The following SLC7A5 variants were observed in gnomAD, a reference collection of about 807,000 sequenced individuals.
SLC7A5 encodes solute carrier family 7 member 5, also known as large neutral amino acids transporter small subunit 1.
In SLC7A5, 23 loss-of-function variants were observed where a neutral mutation model predicts 50.2. The ratio of observed to expected loss-of-function variants is 0.46; its 90% CI spans 0.33 to 0.65. SLC7A5 has a LOEUF of 0.65. SLC7A5 is among the 30% of genes least tolerant of loss of function. The pLI, the probability that SLC7A5 is intolerant of heterozygous loss-of-function variation, is 0.02. For missense variants in SLC7A5, 578 were observed against 684.4 expected (o/e 0.84, Z 1.73); for synonymous variants, 393 against 330.6 (o/e 1.19, Z -2.05).
intron 1 of SLC7A5, among the ~76,000 whole-genome samples, chr16:87,856,190 G>A (rs1020163527): frequency 5.9e-5 from 9 of 152,202 alleles, no homozygotes; most frequent in East Asian, 1.9e-4. Context: ...CCAGGCCCCC[G>A]AGGACTGCCT....
chr16:87,855,692 G>A (rs1225606847), intron 1 of SLC7A5, among the ~76,000 whole-genome samples: 1 of 152,098 alleles, frequency 6.6e-6, no homozygotes, highest in East Asian at 1.9e-4. Flanking sequence ...ACAAGCAAAG[G>A]GATGATCCCC....
rs900816021 is a variant in SLC7A5 at position 87,853,736 on chromosome 16, G to C, written c.539-1887C>G. Among the ~76,000 whole-genome samples the C allele has an allele frequency of 2.6e-5, 4 of 152,170 alleles. No homozygotes were observed. Among genetic ancestry groups the C allele is most frequent in the African/African-American group, 9.6e-5 (4 of 41,458 alleles). The stretch of plus-strand genomic sequence containing the variant: ...GAGCTTTCTGGATTCGCAAGAGGCC[G>C]GCTGATTGCATCACTCGCTCATTCA... On this transcript the variant is annotated intron_variant, in intron 1 of 9. Transcript: ENST00000261622. The surrounding 1 kb of genome is among the most constrained non-coding windows in gnomAD (Gnocchi z 4.4).
chr16:87,867,653 A>G (rs1475057406), intron 1 of SLC7A5, among the ~76,000 whole-genome samples: 1 of 152,060 alleles, frequency 6.6e-6, no homozygotes, highest in Non-Finnish European at 1.5e-5. Flanking sequence ...CAAGACCCCA[A>G]CTATAAATTA....
rs1208647153 is a variant in SLC7A5 at position 87,840,422 on chromosome 16, C to T, written c.815+7G>A. 6.2e-7 allele frequency: 1 copy of T among 1,609,232 alleles called. No individual in the cohort carries two copies. The highest frequency in any genetic ancestry group is 1.7e-5 in the Admixed American group (1 of 60,026). On this transcript the variant is annotated splice_region_variant and intron_variant, in intron 4 of 9. Coordinates refer to ENST00000261622, the MANE Select transcript of SLC7A5 (RefSeq NM_003486.7). ...AAAAAGACGGCTCCATCCATTCTTG[C>T]ACGTACCTGTAGGGGTTGATCATTT...
At chr16:87,857,723 T>C (rs1417378655) in intron 1 of SLC7A5, among the ~76,000 whole-genome samples, 2 of 152,258 alleles carry the variant, frequency 1.3e-5, no homozygotes, top group Non-Finnish European at 2.9e-5. Flanking sequence ...GTCTGCTCAG[T>C]GTTGAAACAG....
intron 2 of SLC7A5, among the ~76,000 whole-genome samples, chr16:87,845,081 G>C (rs1025502070): frequency 2.0e-4 from 31 of 152,282 alleles, no homozygotes; most frequent in Admixed American, 2.0e-3. Context: ...CCTTGGGTCT[G>C]GACCTCTGGC....
At chr16:87,864,005 A>ATATATATATATT (rs1287031017) in intron 1 of SLC7A5, among the ~76,000 whole-genome samples, 1 of 142,642 alleles carries the variant, frequency 7.0e-6, no homozygotes, top group African/African-American at 2.5e-5. Context: ...ATATATATAT[A>ATATATATATATT]TATCAGCCGA....
chr16:87,850,960 A>G (rs2055214538), intron 2 of SLC7A5, among the ~76,000 whole-genome samples: 1 of 152,084 alleles, frequency 6.6e-6, no homozygotes, highest in Admixed American at 6.5e-5. Context: ...CACAGGTGCA[A>G]AGGGGCGGGG....
At position 87,841,196 on chromosome 16, in the gene SLC7A5, T is replaced by C. The variant is rs2055079442; in HGVS notation, c.665-41A>G. ...AAAGGAATGCTGGGTTAGAGAGCGCTGAACAGAGGTCATGCTACCAGTTCT... is the reference window on the plus strand; with the variant it reads ...AAAGGAATGCTGGGTTAGAGAGCGCCGAACAGAGGTCATGCTACCAGTTCT... On this transcript the variant is annotated intron_variant, in intron 2 of 9. Transcript: ENST00000261622. This position sits in a 1 kb window ranked among gnomAD's most constrained non-coding sequence, Gnocchi z 4.8. 4 of 1,299,696 alleles carry C rather than the reference T, an allele frequency of 3.1e-6. No homozygotes were observed. Among genetic ancestry groups the C allele is most frequent in the Non-Finnish European group, 1.1e-6 (1 of 893,890 alleles). The allele number at this position is 1,299,696 out of a possible 1,614,324, so 80.5% of individuals were successfully genotyped here.
chr16:87,860,265 G>A lies in SLC7A5; in HGVS notation c.539-8416C>T, dbSNP rs555291812. ...GGAGAATCACTTGAACCCAGGAGGC[G>A]GAGGTTGCAGTGAACTGAGATCATA... On this transcript the variant is annotated intron_variant, in intron 1 of 9. Transcript: ENST00000261622. The surrounding 1 kb of genome is among the most constrained non-coding windows in gnomAD (Gnocchi z 4.8). Among the ~76,000 whole-genome samples, 20 of 150,036 alleles carry A rather than the reference G, an allele frequency of 1.3e-4. No individual in the cohort carries two copies. Among genetic ancestry groups the A allele is most frequent in the African/African-American group, 4.4e-4 (18 of 40,736 alleles).
intron 1 of SLC7A5, among the ~76,000 whole-genome samples, chr16:87,867,820 G>A (rs1211993315): frequency 3.9e-5 from 6 of 152,146 alleles, no homozygotes; most frequent in African/African-American, 1.4e-4. Context: ...AATCCCACAA[G>A]AAAACTATTT....
In SLC7A5 at chr16:87,841,029, CCCAGACATT is replaced by C; in HGVS notation, c.770+12_770+20del. 1.3e-6 allele frequency: 2 copies of C among 1,550,326 alleles called. No individual in the cohort carries two copies. Among genetic ancestry groups the C allele is most frequent in the Non-Finnish European group, 1.8e-6 (2 of 1,122,346 alleles). ...GACTGTATGTCCCCAGACCAAGGGA[CCCAGACATT>C]CCAGAACCTACCATCCTCCATAGGC... On this transcript the variant is annotated intron_variant, in intron 3 of 9. Coordinates refer to ENST00000261622, the MANE Select transcript of SLC7A5 (RefSeq NM_003486.7). The surrounding 1 kb of genome is among the most constrained non-coding windows in gnomAD (Gnocchi z 4.8).
chr16:87,867,167 G>A (rs553614048), intron 1 of SLC7A5, among the ~76,000 whole-genome samples: 11 of 152,290 alleles, frequency 7.2e-5, no homozygotes, highest in South Asian at 2.1e-4. Context: ...AGATCCGCCC[G>A]TCTCGGCCTC....
intron 1 of SLC7A5, among the ~76,000 whole-genome samples, chr16:87,856,980 T>G (rs1048751381): frequency 6.0e-5 from 9 of 150,092 alleles, no homozygotes; most frequent in Admixed American, 5.9e-4. Context: ...CACAGGCGCG[T>G]GCTTCCCTGA....
rs1032668942 is a variant in SLC7A5, at chr16:87,853,512, A to G, written c.539-1663T>C. Among the ~76,000 whole-genome samples, 11 of 152,116 alleles carry G rather than the reference A, an allele frequency of 7.2e-5. No individual in the cohort carries two copies. Among genetic ancestry groups the G allele is most frequent in the Non-Finnish European group, 1.3e-4 (9 of 68,022 alleles). On this transcript the variant is annotated intron_variant, in intron 1 of 9. Transcript: ENST00000261622. This position sits in a 1 kb window ranked among gnomAD's most constrained non-coding sequence, Gnocchi z 4.4. Reference sequence around the variant, plus strand: ...TCACCTCTTCCCAGGGCTCCCAGGGACATGGAGATGTTACCAGTCCAGAGC... The same window carrying G: ...TCACCTCTTCCCAGGGCTCCCAGGGGCATGGAGATGTTACCAGTCCAGAGC...
Position 87,836,504 on chromosome 16 carries a change from G to GGGCC in SLC7A5, c.1280_1283dup (p.Ile429AlafsTer99). 1.9e-6 allele frequency: 3 copies of GGGCC among 1,611,102 alleles called. No individual in the cohort carries two copies. The highest frequency in any genetic ancestry group is 2.5e-6 in the Non-Finnish European group (3 of 1,179,934). ...CGGGAGGCCCCGGGCTCACCTTGAT[G>GGGCC]GGCCGCTCAAGCTCAGGCTTTCTGT... On this transcript the variant is annotated frameshift_variant, in exon 8 of 10. Transcript: ENST00000261622. LOFTEE classifies it high-confidence loss of function.
In SLC7A5 at chr16:87,841,923, G is replaced by A. The variant is rs2055087481; in HGVS notation, c.665-768C>T. On this transcript the variant is annotated intron_variant, in intron 2 of 9. Transcript: ENST00000261622. This position sits in a 1 kb window ranked among gnomAD's most constrained non-coding sequence, Gnocchi z 4.8. The stretch of plus-strand genomic sequence containing the variant: ...CCACCAGCATTCACAGGTTCCCCAG[G>A]AGGACATGTCTTTTGGGGGAAGGGG... 6.6e-6 allele frequency among the ~76,000 whole-genome samples: 1 copy of A among 152,236 alleles called. No individual in the cohort carries two copies. Among genetic ancestry groups the A allele is most frequent in the Non-Finnish European group, 1.5e-5 (1 of 68,044 alleles).
chr16:87,869,163 A>G lies in SLC7A5; in HGVS notation c.260T>C (p.Val87Ala), dbSNP rs1597524336. ...KEAGSPGLAL[V>A]VWAACGVFSI... ...GAAGACGCCGCACGCGGCCCACACCACCAGCGCCAGCCCCGGCGAGCCTGC... is the reference window on the plus strand; with the variant it reads ...GAAGACGCCGCACGCGGCCCACACCGCCAGCGCCAGCCCCGGCGAGCCTGC... Residue 87 changes from valine to alanine, a missense_variant, in exon 1 of 10, where the codon GTG becomes GCG. Physicochemically the swap from Val to Ala is moderately conservative, Grantham distance 64. Coordinates refer to ENST00000261622, the MANE Select transcript of SLC7A5 (RefSeq NM_003486.7). 2 of 1,611,626 alleles carry G rather than the reference A, an allele frequency of 1.2e-6. No homozygotes were observed. Among genetic ancestry groups the G allele is most frequent in the Non-Finnish European group, 1.7e-6 (2 of 1,179,716 alleles).
chr16:87,844,294 C>A (rs1028795857), intron 2 of SLC7A5, among the ~76,000 whole-genome samples: 10 of 152,346 alleles, frequency 6.6e-5, no homozygotes, highest in South Asian at 4.1e-4. Context: ...GCCGCGGCGA[C>A]CCCGGCACAG....
Sources: allele counts gnomAD v4.1 joint callset (sites outside exome capture counted in the v4.1 genomes callset), GRCh38; gene constraint gnomAD v4.1.1; non-coding constraint Gnocchi (gnomAD v3.1); transcripts MANE v1.5; gene names NCBI Gene and HGNC (gene_info 2026-07-23, HGNC 2026-07-21).